The following TRAK1 variants were observed in gnomAD, a reference collection of about 807,000 sequenced individuals.
TRAK1 encodes the protein trafficking kinesin protein 1.
In TRAK1, 33 loss-of-function variants were observed where a neutral mutation model predicts 92.1. The ratio of observed to expected loss-of-function variants is 0.36; its 90% CI spans 0.27 to 0.48. The LOEUF is 0.48. Ranked by LOEUF, TRAK1 falls within the 20% of genes least tolerant of loss-of-function variation. The pLI is 0.99. For missense variants in TRAK1, 1,123 were observed against 1,257.9 expected (o/e 0.89, Z 1.62); for synonymous variants, 521 against 517.3 (o/e 1.01, Z -0.10).
intron 2 of TRAK1, among the ~76,000 whole-genome samples, chr3:42,133,508 G>C (rs1697488050): frequency 6.6e-6 from 1 of 152,124 alleles, no homozygotes; most frequent in Non-Finnish European, 1.5e-5. Flanking sequence ...GGTGCATACT[G>C]CTGTGCCCAG....
chr3:42,150,755 CTA>C (rs796249171), intron 2 of TRAK1, among the ~76,000 whole-genome samples: 20 of 152,292 alleles, frequency 1.3e-4, no homozygotes, highest in African/African-American at 4.6e-4. Flanking sequence ...TGTGGAAAAA[CTA>C]TGCCAGTTCA....
At chr3:42,039,776 G>T (rs12107271) in intron 1 of TRAK1, among the ~76,000 whole-genome samples, 1 of 152,110 alleles carries the variant, frequency 6.6e-6, no homozygotes, top group African/African-American at 2.4e-5. Flanking sequence ...GGACAAAATT[G>T]TTGGTCATAG....
chr3:42,072,577 TC>T (rs1260181857), intron 1 of TRAK1, among the ~76,000 whole-genome samples: 3 of 152,000 alleles, frequency 2.0e-5, no homozygotes, highest in African/African-American at 7.2e-5. Context: ...TTTCTCTTTT[TC>T]TTCCTCATTT....
upstream of TRAK1, among the ~76,000 whole-genome samples, chr3:42,089,906 G>T (rs867961482): frequency 5.9e-5 from 9 of 152,142 alleles, 1 homozygote; most frequent in South Asian, 8.3e-4. Context: ...ACATTTGTTG[G>T]GTGTATCAAT....
intron 1 of TRAK1, among the ~76,000 whole-genome samples, chr3:42,021,177 T>A (rs984966258): frequency 5.3e-5 from 8 of 152,228 alleles, no homozygotes; most frequent in Non-Finnish European, 1.0e-4. Context: ...GACTCACTGG[T>A]GCTGTGTCTG....
chr3:42,037,228 G>C (rs1190109684), intron 1 of TRAK1, among the ~76,000 whole-genome samples: 1 of 152,152 alleles, frequency 6.6e-6, no homozygotes, highest in African/African-American at 2.4e-5. Flanking sequence ...TAGAGTTTTA[G>C]GATTCAAGTA....
chr3:42,168,854 C>T (rs1418426904), intron 2 of TRAK1, among the ~76,000 whole-genome samples: 1 of 152,158 alleles, frequency 6.6e-6, no homozygotes, highest in Non-Finnish European at 1.5e-5. Context: ...GATGGAGTCT[C>T]ACTCTGTCAC....
At chr3:42,087,654 T>G (rs1007792410), upstream of TRAK1, among the ~76,000 whole-genome samples, 21 of 152,238 alleles carry the variant, frequency 1.4e-4, no homozygotes, top group African/African-American at 4.6e-4. Flanking sequence ...TTCACTAAAT[T>G]GTCATGAAGG....
intron 1 of TRAK1, among the ~76,000 whole-genome samples, chr3:42,023,157 C>CAA (rs371646962): frequency 0.87 from 96,699 of 111,684 alleles, 42,970 homozygotes; most frequent in Non-Finnish European, 0.95. Flanking sequence ...GACTGCATCT[C>CAA]AAAAAAAAAA....
intron 1 of TRAK1, among the ~76,000 whole-genome samples, chr3:42,104,022 T>A (rs1276306549): frequency 6.6e-6 from 1 of 152,172 alleles, no homozygotes; most frequent in African/African-American, 2.4e-5. Context: ...AGAGATTATA[T>A]CCTGCGCCTG....
At chr3:42,076,582 GCT>G (rs1282996629) in intron 1 of TRAK1, among the ~76,000 whole-genome samples, 6 of 152,042 alleles carry the variant, frequency 3.9e-5, no homozygotes, top group Non-Finnish European at 8.8e-5. Context: ...CATTCTGTGG[GCT>G]CTCTGTTTAT....
chr3:42,176,097 GGAA>G (rs1328181516), intron 2 of TRAK1, among the ~76,000 whole-genome samples: 1 of 152,146 alleles, frequency 6.6e-6, no homozygotes, highest in Non-Finnish European at 1.5e-5. Context: ...TTTCTCCAAC[GGAA>G]GAAGAACAAA....
intron 1 of TRAK1, among the ~76,000 whole-genome samples, chr3:42,032,444 A>G (rs1489096761): frequency 6.7e-6 from 1 of 149,610 alleles, no homozygotes; most frequent in Non-Finnish European, 1.5e-5. Context: ...GGAAGCCCCA[A>G]GATTTTGCTC....
At chr3:42,030,749 G>A (rs1702110410) in intron 1 of TRAK1, among the ~76,000 whole-genome samples, 5 of 130,612 alleles carry the variant, frequency 3.8e-5, no homozygotes, top group East Asian at 2.1e-4. Flanking sequence ...TATGTAACTT[G>A]TTGGTCAGGC....
chr3:42,163,497 G>A (rs754537946), intron 2 of TRAK1, among the ~76,000 whole-genome samples: 4 of 152,042 alleles, frequency 2.6e-5, no homozygotes, highest in Non-Finnish European at 5.9e-5. Flanking sequence ...GAACCTGGGA[G>A]GCGGAGCTTG....
intron 1 of TRAK1, among the ~76,000 whole-genome samples, chr3:42,045,548 A>G (rs1306194836): frequency 6.6e-6 from 1 of 152,004 alleles, no homozygotes; most frequent in African/African-American, 2.4e-5. Context: ...AAACCCCAAA[A>G]AACATAAACC....
At chr3:42,032,359 T>C (rs1702175467) in intron 1 of TRAK1, among the ~76,000 whole-genome samples, 1 of 152,156 alleles carries the variant, frequency 6.6e-6, no homozygotes, top group African/African-American at 2.4e-5. Flanking sequence ...CTCTTTCCTT[T>C]CCTCTGTGCA....
At chr3:42,041,540 G>T (rs1423480648) in intron 1 of TRAK1, among the ~76,000 whole-genome samples, 1 of 150,102 alleles carries the variant, frequency 6.7e-6, no homozygotes, top group East Asian at 1.9e-4. Flanking sequence ...CTATTTGTAA[G>T]ATAATGTCAT....
intron 14 of TRAK1, among the ~76,000 whole-genome samples, chr3:42,215,145 C>A (rs1250194773): frequency 6.6e-6 from 1 of 152,154 alleles, no homozygotes; most frequent in African/African-American, 2.4e-5. Flanking sequence ...CTGAAAATAT[C>A]ATGGGCAGAG....
Sources: allele counts gnomAD v4.1 joint callset (sites outside exome capture counted in the v4.1 genomes callset), GRCh38; gene constraint gnomAD v4.1.1; transcripts MANE v1.5; gene names NCBI Gene and HGNC (gene_info 2026-07-23, HGNC 2026-07-21).